Variants in PACRG observed in about 807,000 individuals in gnomAD.
The protein encoded by PACRG is parkin coregulated.
PACRG carries 29 observed loss-of-function variants against 29.7 expected under a neutral mutation model. The observed-to-expected ratio is 0.98, with a 90% CI of 0.73 to 1.33. The LOEUF (loss-of-function observed/expected upper bound fraction) is 1.33. PACRG is among the 40% of genes most tolerant of loss of function. The pLI is 0.00. For synonymous variants in PACRG, 116 were observed against 118.7 expected (o/e 0.98, Z 0.15); for missense variants, 279 against 316.2 (o/e 0.88, Z 0.89).
At chr6:163,314,706 G>T in intron 4 of PACRG, 121 bp from the exon 5 acceptor site, 1 of 1,118,788 alleles carries the variant, frequency 8.9e-7, no homozygotes, top group Non-Finnish European at 1.2e-6. Context: ...GCAAGATCGT[G>T]TAAAAATCTT....
chr6:162,885,943 G>C (rs912711588), intron 2 of PACRG, among the ~76,000 whole-genome samples: 1 of 152,048 alleles, frequency 6.6e-6, no homozygotes. Flanking sequence ...ATTTAATATT[G>C]TTACAATATT....
At chr6:162,995,546 C>G (rs1461055514) in intron 2 of PACRG, among the ~76,000 whole-genome samples, 2 of 152,260 alleles carry the variant, frequency 1.3e-5, no homozygotes, top group Non-Finnish European at 2.9e-5. Flanking sequence ...AGAAAGCGAA[C>G]TCCCTGACCC....
chr6:163,068,495 TA>T (rs1562884844), intron 3 of PACRG, among the ~76,000 whole-genome samples: 1 of 150,764 alleles, frequency 6.6e-6, no homozygotes, highest in Admixed American at 6.6e-5. Flanking sequence ...TTTTTTTTTT[TA>T]TCAATTTTCC....
intron 1 of PACRG, among the ~76,000 whole-genome samples, chr6:162,799,364 T>C (rs1785655148): frequency 6.6e-6 from 1 of 152,212 alleles, no homozygotes; most frequent in South Asian, 2.1e-4. Flanking sequence ...ATTTCTTTCA[T>C]GGTCGAATAG....
At chr6:162,739,771 G>A (rs34052221) in intron 1 of PACRG, among the ~76,000 whole-genome samples, 12,764 of 150,422 alleles carry the variant, frequency 0.085, 675 homozygotes, top group Middle Eastern at 0.18. Flanking sequence ...GAACCCGGGA[G>A]CCAGAGATTG....
intron 3 of PACRG, among the ~76,000 whole-genome samples, chr6:163,081,579 A>G (rs1488546308): frequency 1.3e-5 from 2 of 152,202 alleles, no homozygotes; most frequent in Non-Finnish European, 2.9e-5. Context: ...CAACATAGTG[A>G]GACCCCATCT....
intron 1 of PACRG, among the ~76,000 whole-genome samples, chr6:162,751,606 A>T (rs2128280148): frequency 6.6e-6 from 1 of 152,276 alleles, no homozygotes; most frequent in African/African-American, 2.4e-5. Flanking sequence ...AGAGCTTCTC[A>T]GATGAGGGAT....
At position 162,824,532 on chromosome 6, in the gene PACRG, A is replaced by G. The variant is rs529078444; in HGVS notation, c.291+10251A>G. ...CCGTTGCATTTTCCTCTTTTTCTGT[A>G]TCTTCATAGATAATTTTGTGGTATG... is the stretch of plus-strand genomic sequence containing the variant. On this transcript the variant is annotated intron_variant, in intron 2 of 4. Transcript: ENST00000366888. 2.6e-5 allele frequency among the ~76,000 whole-genome samples: 4 copies of G among 152,234 alleles called. No individual in the cohort carries two copies. The East Asian group carries it at 5.8e-4, about 22-fold the overall frequency.
intron 2 of PACRG, among the ~76,000 whole-genome samples, chr6:162,825,341 CTT>C (rs900551966): frequency 3.9e-4 from 60 of 152,162 alleles, no homozygotes; most frequent in Admixed American, 1.2e-3. Flanking sequence ...ACGAGCTGGG[CTT>C]TCTCATTCCA....
chr6:163,203,792 G>A (rs1258460770), intron 4 of PACRG, among the ~76,000 whole-genome samples: 1 of 152,212 alleles, frequency 6.6e-6, no homozygotes, highest in Non-Finnish European at 1.5e-5. Context: ...ATAAAATAAA[G>A]AGAACTTACC....
At chr6:163,013,756 TCA>T (rs1805831490) in intron 2 of PACRG, among the ~76,000 whole-genome samples, 1 of 152,182 alleles carries the variant, frequency 6.6e-6, no homozygotes, top group African/African-American at 2.4e-5. Flanking sequence ...TTTTACATAT[TCA>T]CTTTTAAATA....
In PACRG at chr6:162,852,005, G is replaced by GGAAGGAAGGAAGGAAAGGAAGGAAGGA. The variant is rs1562663902; in HGVS notation, c.291+37724_291+37725insGAAGGAAGGAAGGAAAGGAAGGAAGGA. 2.9e-3 allele frequency among the ~76,000 whole-genome samples: 341 copies of GGAAGGAAGGAAGGAAAGGAAGGAAGGA among 116,080 alleles called. 2 individuals carry two copies. Among genetic ancestry groups the GGAAGGAAGGAAGGAAAGGAAGGAAGGA allele is most frequent in the African/African-American group, 0.01 (303 of 29,278 alleles). 76.2% of individuals were successfully genotyped at this position (116,080 alleles called of 152,430 possible). The stretch of plus-strand genomic sequence containing the variant: ...AAGAAAAGGGAGGGAGGGAGGGAGG[G>GGAAGGAAGGAAGGAAAGGAAGGAAGGA]AGGAAGGAAGGAAGGAAGGAAGGAA... On this transcript the variant is annotated intron_variant, in intron 2 of 4. Transcript: ENST00000366888.
chr6:162,958,062 A>G (rs892105801), intron 2 of PACRG, among the ~76,000 whole-genome samples: 1 of 152,202 alleles, frequency 6.6e-6, no homozygotes, highest in African/African-American at 2.4e-5. Context: ...GAGAATAATA[A>G]GATGTTTGAC....
intron 1 of PACRG, among the ~76,000 whole-genome samples, chr6:162,752,784 T>G (rs1317949701): frequency 1.3e-5 from 2 of 152,188 alleles, no homozygotes; most frequent in Non-Finnish European, 2.9e-5. Context: ...AGAAAAATAT[T>G]AAAATACATA....
chr6:163,260,089 TC>T (rs1285114327), intron 4 of PACRG, among the ~76,000 whole-genome samples: 12 of 152,112 alleles, frequency 7.9e-5, no homozygotes, highest in African/African-American at 2.4e-4. Flanking sequence ...CCTTGGTGCC[TC>T]CAGATCTCAC....
Position 162,748,306 on chromosome 6 carries a change from C to T in PACRG, c.156+19915C>T, listed in dbSNP as rs545795267. ...AGGAGTTTGAAACCAGTCTGGCCAT[C>T]GTGGTGAAACCCCGTCTCTAATAAA... On this transcript the variant is annotated intron_variant, in intron 1 of 4. Coordinates refer to ENST00000366888, the MANE Select transcript of PACRG (RefSeq NM_001080379.2). 2.6e-5 allele frequency among the ~76,000 whole-genome samples: 4 copies of T among 152,228 alleles called. No homozygotes were observed. In the East Asian group the frequency reaches 7.7e-4, roughly 29 times the overall value.
At chr6:163,150,307 C>T (rs1778027636) in intron 4 of PACRG, among the ~76,000 whole-genome samples, 1 of 152,138 alleles carries the variant, frequency 6.6e-6, no homozygotes, top group Non-Finnish European at 1.5e-5. Context: ...CTAAACAAGG[C>T]TAGGTAGGAG....
At chr6:163,034,621 A>G (rs1484074397) in intron 2 of PACRG, among the ~76,000 whole-genome samples, 1 of 152,120 alleles carries the variant, frequency 6.6e-6, no homozygotes, top group Non-Finnish European at 1.5e-5. Context: ...ACTTACCTGA[A>G]GGCCGCCAAT....
At chr6:163,265,127 A>G (rs940382569) in intron 4 of PACRG, among the ~76,000 whole-genome samples, 28 of 152,232 alleles carry the variant, frequency 1.8e-4, no homozygotes, top group African/African-American at 6.5e-4. Flanking sequence ...CGCATGCATG[A>G]ACGAATGAAT....
Sources: allele counts gnomAD v4.1 joint callset (sites outside exome capture counted in the v4.1 genomes callset), GRCh38; gene constraint gnomAD v4.1.1; transcripts MANE v1.5; gene names NCBI Gene and HGNC (gene_info 2026-07-23, HGNC 2026-07-21).